The following SLC14A2 variants were observed in gnomAD, a reference collection of about 807,000 sequenced individuals.
The protein encoded by SLC14A2 is urea transporter 2.
Under a neutral mutation model 104.6 loss-of-function variants are expected in SLC14A2, and 91 were observed. That is an observed-to-expected ratio of 0.87 (90% CI 0.73 to 1.04). SLC14A2 has a LOEUF of 1.04. SLC14A2 is among the 50% of genes least tolerant of loss of function. The pLI is 0.00. For synonymous variants in SLC14A2, 476 were observed against 466.4 expected (o/e 1.02, Z -0.27); for missense variants, 1,189 against 1,156.0 (o/e 1.03, Z -0.41).
At chr18:45,169,364 T>C in the SLC14A2 span, among the ~76,000 whole-genome samples, 4 of 152,230 alleles carry the variant, frequency 2.6e-5, no homozygotes, top group African/African-American at 4.8e-5. Flanking sequence ...CTGAGGCTAC[T>C]GCATGTGCGC....
intron 1 of SLC14A2, among the ~76,000 whole-genome samples, chr18:45,221,674 G>A (rs2084063681): frequency 6.6e-6 from 1 of 152,148 alleles, no homozygotes; most frequent in African/African-American, 2.4e-5. Context: ...AAGTCAGCAG[G>A]AAAGTTTCAG....
chr18:45,605,616 A>G (rs535738791), intron 2 of SLC14A2, among the ~76,000 whole-genome samples: 1 of 152,304 alleles, frequency 6.6e-6, no homozygotes, highest in South Asian at 2.1e-4. Context: ...TTGAAACTGG[A>G]GAGAAGTGGG....
At chr18:45,183,126 G>C in the SLC14A2 span, among the ~76,000 whole-genome samples, 2 of 152,162 alleles carry the variant, frequency 1.3e-5, no homozygotes, top group Non-Finnish European at 2.9e-5. Flanking sequence ...TGAGGGTACT[G>C]TTTGCGCTGG....
chr18:45,354,187 C>T (rs1455562782), intron 1 of SLC14A2, among the ~76,000 whole-genome samples: 1 of 152,156 alleles, frequency 6.6e-6, no homozygotes, highest in African/African-American at 2.4e-5. Context: ...CAGTAGAAGT[C>T]GCTGATTCAA....
intron 1 of SLC14A2, among the ~76,000 whole-genome samples, chr18:45,409,017 A>G (rs1354084964): frequency 6.6e-6 from 1 of 152,144 alleles, no homozygotes; most frequent in African/African-American, 2.4e-5. Context: ...AGTTTCTTGG[A>G]CCGTTCACAT....
intron 2 of SLC14A2, among the ~76,000 whole-genome samples, chr18:45,597,993 T>C (rs2044737458): frequency 6.6e-6 from 1 of 152,080 alleles, no homozygotes; most frequent in South Asian, 2.1e-4. Flanking sequence ...GGATGGGTTG[T>C]GGGGAGGTGC....
chr18:45,530,064 CATG>C (rs1040100127), intron 2 of SLC14A2, among the ~76,000 whole-genome samples: 1 of 152,108 alleles, frequency 6.6e-6, no homozygotes, highest in African/African-American at 2.4e-5. Context: ...CGTTAGGAAA[CATG>C]ATATGGTATA....
chr18:45,450,260 T>G (rs983086646), intron 1 of SLC14A2, among the ~76,000 whole-genome samples: 4 of 152,190 alleles, frequency 2.6e-5, no homozygotes, highest in African/African-American at 9.7e-5. Flanking sequence ...ATATTTTATT[T>G]ATCTATAAAT....
intron 2 of SLC14A2, among the ~76,000 whole-genome samples, chr18:45,497,245 G>C (rs2043113159): frequency 6.6e-6 from 1 of 152,062 alleles, no homozygotes; most frequent in African/African-American, 2.4e-5. Flanking sequence ...CTGCTTCCTG[G>C]ACTCTTGCAA....
chr18:45,654,389 T>C (rs1489203518), intron 10 of SLC14A2, among the ~76,000 whole-genome samples: 1 of 152,130 alleles, frequency 6.6e-6, no homozygotes, highest in East Asian at 1.9e-4. Context: ...AAGCTGCTTC[T>C]TTCTAGTCCC....
chr18:45,443,940 G>C (rs760152234), intron 1 of SLC14A2, among the ~76,000 whole-genome samples: 2 of 152,156 alleles, frequency 1.3e-5, no homozygotes, highest in African/African-American at 2.4e-5. Context: ...CCAGGCCTTA[G>C]GGAGAGAAAA....
chr18:45,593,486 C>CTTTTTTTT (rs1172271684), intron 2 of SLC14A2, among the ~76,000 whole-genome samples: 6 of 88,788 alleles, frequency 6.8e-5, no homozygotes, highest in African/African-American at 9.4e-5. Flanking sequence ...TTTCCTTAAT[C>CTTTTTTTT]TTTTTTTTTT....
chr18:45,531,623 G>T (rs2144833349), intron 2 of SLC14A2, among the ~76,000 whole-genome samples: 1 of 152,298 alleles, frequency 6.6e-6, no homozygotes, highest in South Asian at 2.1e-4. Flanking sequence ...TGAGTAGGTT[G>T]CAAACATTTT....
chr18:45,464,807 G>A (rs2087109923), intron 1 of SLC14A2, among the ~76,000 whole-genome samples: 1 of 152,154 alleles, frequency 6.6e-6, no homozygotes, highest in Non-Finnish European at 1.5e-5. Context: ...AGCAGGCCCT[G>A]AGCCGTGGGG....
At chr18:45,377,038 T>C (rs1266275069) in intron 1 of SLC14A2, among the ~76,000 whole-genome samples, 1 of 152,150 alleles carries the variant, frequency 6.6e-6, no homozygotes, top group Non-Finnish European at 1.5e-5. Context: ...ACTGCCCCCA[T>C]GCCTGAACAA....
chr18:45,169,412 C>A, the SLC14A2 span, among the ~76,000 whole-genome samples: 4 of 152,178 alleles, frequency 2.6e-5, no homozygotes, highest in East Asian at 7.7e-4. Context: ...GATGCTGACA[C>A]TGACACTGCC....
chr18:45,623,447 A>G (rs1295541934), intron 1 of SLC14A2, among the ~76,000 whole-genome samples: 8 of 152,200 alleles, frequency 5.3e-5, no homozygotes, highest in Admixed American at 5.2e-4. Flanking sequence ...GAGAGTCAGT[A>G]ACGCAGCAGT....
intron 1 of SLC14A2, among the ~76,000 whole-genome samples, chr18:45,437,124 G>T (rs970191540): frequency 6.6e-6 from 1 of 152,168 alleles, no homozygotes; most frequent in Admixed American, 6.5e-5. Flanking sequence ...GCATGAGTGC[G>T]CATCCCTCTG....
chr18:45,668,593 C>A, intron 15 of SLC14A2, 116 bp downstream of exon 15: 1 of 1,160,044 alleles, frequency 8.6e-7, no homozygotes, highest in Non-Finnish European at 1.3e-6. Flanking sequence ...TTAGCTTGCA[C>A]ATCAGAAATG....
Sources: gnomAD v4.1 joint callset for allele counts (sites outside exome capture counted in the v4.1 genomes callset) on GRCh38, gnomAD v4.1.1 for gene constraint, MANE v1.5 for transcripts, NCBI Gene and HGNC (gene_info 2026-07-23, HGNC 2026-07-21) for gene names.